OPN3: variants seen among roughly 807,000 people sequenced by gnomAD.
OPN3 encodes the protein opsin 3.
OPN3 carries 29 observed loss-of-function variants against 33.8 expected under a neutral mutation model. The ratio of observed to expected loss-of-function variants is 0.86; its 90% CI spans 0.64 to 1.17. The LOEUF (loss-of-function observed/expected upper bound fraction) is 1.17, where lower values mean the gene tolerates loss of function less well. Ranked by LOEUF, OPN3 falls within the 50% of genes most tolerant of loss-of-function variation. The probability of loss-of-function intolerance (pLI) is 0.00; values close to 1 mark genes in which losing one functional copy is unlikely to be tolerated. For synonymous variants in OPN3, 216 were observed against 216.1 expected (o/e 1.00, Z 0.00); for missense variants, 437 against 514.1 (o/e 0.85, Z 1.45).
rs1665045153 is a variant in OPN3, at chr1:241,639,804, G to A, written c.373+78C>T. ...GAAGCGGTGCGGGGCGGGCTGGGGG[G>A]CGGACGCACGGAGCGGGCAGCGGGG... On this transcript the variant is annotated intron_variant, in intron 1 of 3. Coordinates refer to ENST00000366554, the MANE Select transcript of OPN3 (RefSeq NM_014322.3). 4 of 1,316,340 alleles carry A rather than the reference G, an allele frequency of 3.0e-6. No individual in the cohort carries two copies. In the East Asian group the frequency reaches 9.0e-5, roughly 30 times the overall value. The allele number at this position is 1,316,340 out of a possible 1,614,324, so 81.5% of individuals were successfully genotyped here.
At chr1:241,603,147 G>T (rs111562294) in intron 2 of OPN3, among the ~76,000 whole-genome samples, 1 of 152,182 alleles carries the variant, frequency 6.6e-6, no homozygotes, top group East Asian at 1.9e-4. Flanking sequence ...AAGGGGGTGG[G>T]GGAGCAATCA....
chr1:241,628,257 T>C (rs1021540500), intron 1 of OPN3, among the ~76,000 whole-genome samples: 6 of 152,152 alleles, frequency 3.9e-5, no homozygotes, highest in African/African-American at 1.4e-4. Context: ...TAAATGCTCA[T>C]TAAGGTAAAA....
chr1:241,633,648 C>T, intron 1 of OPN3: 1 of 401,894 alleles, frequency 2.5e-6, no homozygotes. Flanking sequence ...ATATTCAATG[C>T]TGAATGTCTG....
chr1:241,608,291 G>A (rs954931352), intron 1 of OPN3, among the ~76,000 whole-genome samples: 1 of 152,128 alleles, frequency 6.6e-6, no homozygotes, highest in African/African-American at 2.4e-5. Context: ...CAATAAGCTG[G>A]TAAAATAAGC....
chr1:241,606,694 A>C (rs1176693567), intron 1 of OPN3, among the ~76,000 whole-genome samples: 1 of 152,206 alleles, frequency 6.6e-6, no homozygotes, highest in Non-Finnish European at 1.5e-5. Context: ...TGGGGAAGAC[A>C]ATAAAATCGT....
At chr1:241,609,409 G>A (rs755116417) in intron 1 of OPN3, among the ~76,000 whole-genome samples, 3 of 152,116 alleles carry the variant, frequency 2.0e-5, no homozygotes, top group Admixed American at 1.3e-4. Flanking sequence ...ACCACCTGCC[G>A]CCACTAAAGG....
At position 241,640,269 on chromosome 1, in the gene OPN3, G is replaced by A. The variant is rs1287655499; in HGVS notation, c.-15C>T. Reference sequence around the variant, plus strand: ...CCCGAGTACATGGCCCGGCGCCGGCGCGCCTGGCGGGCGGAGGCGCTCAGC... The same window carrying A: ...CCCGAGTACATGGCCCGGCGCCGGCACGCCTGGCGGGCGGAGGCGCTCAGC... On this transcript the variant is annotated 5_prime_UTR_variant, in exon 1 of 4. Coordinates refer to ENST00000366554, the MANE Select transcript of OPN3 (RefSeq NM_014322.3). 2.5e-6 allele frequency: 3 copies of A among 1,185,352 alleles called. No individual in the cohort carries two copies. The highest frequency in any genetic ancestry group is 3.7e-5 in the East Asian group (1 of 26,844). 73.4% of individuals were successfully genotyped at this position (1,185,352 alleles called of 1,614,324 possible). A position where few individuals can be genotyped will look rare whatever the true frequency, so the allele number is the denominator to read the frequency against.
At chr1:241,611,727 C>T (rs535704271) in intron 1 of OPN3, among the ~76,000 whole-genome samples, 89 of 152,300 alleles carry the variant, frequency 5.8e-4, no homozygotes, top group African/African-American at 2.0e-3. Flanking sequence ...GAATGTGTCC[C>T]GAGGGCTCTG....
intron 1 of OPN3, chr1:241,633,286 T>C (rs1362328331): frequency 6.3e-6 from 1 of 157,778 alleles, no homozygotes; most frequent in Non-Finnish European, 1.4e-5. Flanking sequence ...TTGGCATTTG[T>C]ATTAGTTGCT....
chr1:241,616,526 C>T (rs749362778), intron 1 of OPN3, among the ~76,000 whole-genome samples: 21 of 151,854 alleles, frequency 1.4e-4, no homozygotes, highest in Non-Finnish European at 1.9e-4. Context: ...TATGTCTTAC[C>T]TCTCCAATTA....
intron 1 of OPN3, among the ~76,000 whole-genome samples, chr1:241,637,921 A>G (rs1371943798): frequency 1.3e-5 from 2 of 152,122 alleles, no homozygotes; most frequent in Non-Finnish European, 2.9e-5. Context: ...CTCCCCTTCA[A>G]TACTCCACTG....
intron 2 of OPN3, 86 bp downstream of exon 2, chr1:241,604,174 C>T: frequency 7.9e-7 from 1 of 1,260,474 alleles, no homozygotes; most frequent in Non-Finnish European, 1.1e-6. Context: ...CTACTGATGA[C>T]ATAGGAAGAC....
intron 1 of OPN3, chr1:241,629,470 C>A (rs1411210132): frequency 6.6e-6 from 1 of 152,034 alleles, no homozygotes; most frequent in Admixed American, 6.6e-5. Flanking sequence ...TATACACGAT[C>A]GCTTTATAAA....
rs761780030 is a variant in OPN3, at chr1:241,594,457, C to T, written c.1180G>A (p.Val394Ile). The change falls in exon 4 of 4, where the codon GTT (valine) becomes ATT (isoleucine). Residue 394 changes from valine (V) to isoleucine (I), a missense_variant. Physicochemically the swap from Val to Ile is conservative, Grantham distance 29. Coordinates refer to ENST00000366554, the MANE Select transcript of OPN3 (RefSeq NM_014322.3). ...AAAGGACGAACTTGGATTACATCAA[C>T]TTTGGACCCATTGGTTTTGTCGCTG... ...DDSDKTNGSK[V>I]DVIQVRPL is the part of the protein sequence containing the mutation. The T allele has an allele frequency of 2.5e-6, 4 of 1,613,956 alleles. No individual in the cohort carries two copies. The Admixed American group carries it at 5.0e-5, about 20-fold the overall frequency.
intron 1 of OPN3, among the ~76,000 whole-genome samples, chr1:241,614,321 T>C (rs368907783): frequency 1.4e-4 from 22 of 152,072 alleles, no homozygotes; most frequent in African/African-American, 4.6e-4. Flanking sequence ...AAGAGAACGA[T>C]TGAATGAGGC....
intron 1 of OPN3, chr1:241,630,405 A>G (rs1664584691): frequency 6.6e-6 from 1 of 152,108 alleles, no homozygotes; most frequent in African/African-American, 2.4e-5. Flanking sequence ...TATATTAATA[A>G]CCAAACACAC....
intron 1 of OPN3, chr1:241,629,043 C>CT (rs1338837618): frequency 1.3e-5 from 2 of 152,654 alleles, no homozygotes; most frequent in African/African-American, 4.8e-5. Flanking sequence ...TTGAATCTCA[C>CT]TTTTTTGCAT....
chr1:241,609,871 A>C (rs1306879576), intron 1 of OPN3, among the ~76,000 whole-genome samples: 2 of 152,194 alleles, frequency 1.3e-5, no homozygotes, highest in Non-Finnish European at 2.9e-5. Context: ...ACTACAGGGG[A>C]TGGCGCAAAG....
chr1:241,616,986 T>C (rs986597372), intron 1 of OPN3, among the ~76,000 whole-genome samples: 1 of 152,244 alleles, frequency 6.6e-6, no homozygotes, highest in African/African-American at 2.4e-5. Flanking sequence ...TCCTGTTGGA[T>C]TTATCATCTC....
Sources: gnomAD v4.1 joint callset for allele counts (sites outside exome capture counted in the v4.1 genomes callset) on GRCh38, gnomAD v4.1.1 for gene constraint, MANE v1.5 for transcripts, NCBI Gene and HGNC (gene_info 2026-07-23, HGNC 2026-07-21) for gene names.